The following PGBD2 variants were observed in gnomAD, a reference collection of about 807,000 sequenced individuals.
PGBD2 encodes the protein piggyBac transposable element derived 2, also known as piggyBac transposable element-derived protein 2.
In PGBD2, 6 loss-of-function variants were observed where a neutral mutation model predicts 8.1. The ratio of observed to expected loss-of-function variants is 0.74; its 90% CI spans 0.40 to 1.46. The LOEUF (loss-of-function observed/expected upper bound fraction) is 1.46, where lower values mean the gene tolerates loss of function less well. Among genes scored for constraint, PGBD2 ranks in the 40% most tolerant of loss-of-function variants. The pLI, the probability that PGBD2 is intolerant of heterozygous loss-of-function variation, is 0.02. For missense variants in PGBD2, 802 were observed against 739.0 expected (o/e 1.09, Z -0.99); for synonymous variants, 318 against 272.2 (o/e 1.17, Z -1.66).
Position 248,917,660 on chromosome 1 carries a change from T to C in PGBD2, c.1076T>C (p.Leu359Pro). ...FFDKVFTSVK[L>P]MSILRKKGVK... ...GACAAGGTTTTCACAAGTGTTAAAC[T>C]GATGTCCATTTTGAGGAAAAAGGGG... The change falls in exon 3 of 3, where the codon CTG becomes CCG. Residue 359 changes from leucine to proline, a missense_variant. By Grantham distance (98) the Leu-to-Pro change is moderately conservative. Transcript: ENST00000329291. 1.2e-6 allele frequency: 2 copies of C among 1,614,216 alleles called. No individual in the cohort carries two copies. The highest frequency in any genetic ancestry group is 1.1e-5 in the South Asian group (1 of 91,082).
At chr1:248,874,693 A>G in the PGBD2 span, among the ~76,000 whole-genome samples, 3 of 152,134 alleles carry the variant, frequency 2.0e-5, no homozygotes, top group Non-Finnish European at 4.4e-5. Flanking sequence ...CTAGCTCCTT[A>G]ACGACGCTTG....
chr1:248,878,499 G>A, the PGBD2 span, among the ~76,000 whole-genome samples: 2 of 152,128 alleles, frequency 1.3e-5, no homozygotes, highest in African/African-American at 4.8e-5. Context: ...TGACCATAAA[G>A]GCAGTTGATT....
At chr1:248,908,101 C>G (rs1026375132) in intron 1 of PGBD2, among the ~76,000 whole-genome samples, 3 of 152,180 alleles carry the variant, frequency 2.0e-5, no homozygotes, top group Non-Finnish European at 2.9e-5. Context: ...ATATTAACAC[C>G]TACAGGCCTT....
At chr1:248,898,446 A>G in the PGBD2 span, among the ~76,000 whole-genome samples, 13 of 152,152 alleles carry the variant, frequency 8.5e-5, no homozygotes, top group African/African-American at 3.1e-4. Context: ...GAGCCACCGC[A>G]CCTGGCTCAA....
At chr1:248,928,403 T>C in the PGBD2 span, among the ~76,000 whole-genome samples, 1 of 152,322 alleles carries the variant, frequency 6.6e-6, no homozygotes, top group East Asian at 1.9e-4. Context: ...TGAATGATTG[T>C]ATTGGACATT....
intron 2 of PGBD2, among the ~76,000 whole-genome samples, chr1:248,915,113 ATGGCATTCAT>A (rs1228744913): frequency 6.6e-6 from 1 of 152,120 alleles, no homozygotes; most frequent in Non-Finnish European, 1.5e-5. Flanking sequence ...CTTATCCGGG[ATGGCATTCAT>A]TGCTACCTGA....
chr1:248,886,772 A>T, the PGBD2 span, among the ~76,000 whole-genome samples: 124 of 152,308 alleles, frequency 8.1e-4, no homozygotes, highest in Non-Finnish European at 8.5e-4. Context: ...TCACCATAAT[A>T]AGCTCTTATT....
chr1:248,893,359 G>A, the PGBD2 span, among the ~76,000 whole-genome samples: 2 of 152,208 alleles, frequency 1.3e-5, no homozygotes, highest in Non-Finnish European at 2.9e-5. Flanking sequence ...TATATCCATT[G>A]AATAACAACT....
chr1:248,896,855 C>T, the PGBD2 span, among the ~76,000 whole-genome samples: 1 of 152,196 alleles, frequency 6.6e-6, no homozygotes, highest in African/African-American at 2.4e-5. Context: ...ATCGCCCGCT[C>T]CCAGGCCAGG....
At chr1:248,915,256 C>G (rs1274376646) in intron 2 of PGBD2, among the ~76,000 whole-genome samples, 4 of 152,264 alleles carry the variant, frequency 2.6e-5, no homozygotes, top group Non-Finnish European at 5.9e-5. Context: ...CACCTGCTCA[C>G]TGTCTGTGCT....
At chr1:248,922,087 TCTCA>T (rs1181377881), downstream of PGBD2, among the ~76,000 whole-genome samples, 1 of 149,216 alleles carries the variant, frequency 6.7e-6, no homozygotes, top group Non-Finnish European at 1.5e-5. Flanking sequence ...TGAGACAGAG[TCTCA>T]CTCTGTTGCC....
chr1:248,904,441 A>G (rs1052632542), upstream of PGBD2, among the ~76,000 whole-genome samples: 2 of 152,104 alleles, frequency 1.3e-5, no homozygotes, highest in African/African-American at 4.8e-5. Flanking sequence ...AAACACTTAC[A>G]CTTGGTCCCG....
chr1:248,876,898 G>T, the PGBD2 span, among the ~76,000 whole-genome samples: 121 of 152,260 alleles, frequency 7.9e-4, no homozygotes, highest in African/African-American at 2.7e-3. Flanking sequence ...TTCTCTTTAT[G>T]TAAATAATGT....
the PGBD2 span, among the ~76,000 whole-genome samples, chr1:248,898,569 A>C: frequency 1.3e-5 from 2 of 152,238 alleles, no homozygotes; most frequent in African/African-American, 4.8e-5. Flanking sequence ...GAGGGAATTC[A>C]TCACCACCAG....
chr1:248,905,931 T>G (rs1345205830), upstream of PGBD2, among the ~76,000 whole-genome samples: 1 of 152,186 alleles, frequency 6.6e-6, no homozygotes, highest in African/African-American at 2.4e-5. Flanking sequence ...CAGGTGAAGC[T>G]GCTGTTAGAT....
the PGBD2 span, among the ~76,000 whole-genome samples, chr1:248,875,323 A>AG: frequency 6.7e-6 from 1 of 149,754 alleles, no homozygotes; most frequent in African/African-American, 2.5e-5. Flanking sequence ...AAAAAAAAAA[A>AG]AAAAAGAAAA....
chr1:248,883,171 T>C, the PGBD2 span, among the ~76,000 whole-genome samples: 5 of 152,332 alleles, frequency 3.3e-5, no homozygotes, highest in African/African-American at 1.2e-4. Context: ...TTGCCCAGGC[T>C]GGAGTGCAAT....
intron 2 of PGBD2, among the ~76,000 whole-genome samples, chr1:248,914,793 C>T (rs964749999): frequency 6.6e-6 from 1 of 152,190 alleles, no homozygotes; most frequent in African/African-American, 2.4e-5. Flanking sequence ...CGTATGGCAG[C>T]TGAACACTGG....
At chr1:248,915,103 C>T (rs1031499586) in intron 2 of PGBD2, among the ~76,000 whole-genome samples, 3 of 152,226 alleles carry the variant, frequency 2.0e-5, no homozygotes, top group African/African-American at 7.2e-5. Flanking sequence ...GCATTCTGTC[C>T]TTATCCGGGA....
Sources: gnomAD v4.1 joint callset for allele counts (sites outside exome capture counted in the v4.1 genomes callset) on GRCh38, gnomAD v4.1.1 for gene constraint, MANE v1.5 for transcripts, NCBI Gene and HGNC (gene_info 2026-07-23, HGNC 2026-07-21) for gene names.